The following CNTNAP2 variants were observed in gnomAD, a reference collection of about 807,000 sequenced individuals.
CNTNAP2 encodes contactin-associated protein-like 2.
In CNTNAP2, 98 loss-of-function variants were observed where a neutral mutation model predicts 155.2. The observed-to-expected ratio is 0.63, with a 90% confidence interval of 0.54 to 0.75. The LOEUF is 0.75. Ranked by LOEUF, CNTNAP2 falls within the 30% of genes least tolerant of loss-of-function variation. The pLI is 0.00. For synonymous variants in CNTNAP2, 651 were observed against 631.2 expected, an observed-to-expected ratio of 1.03 and a Z score of -0.47; for missense variants, 1,727 against 1,688.1, an observed-to-expected ratio of 1.02 and a Z score of -0.40.
intron 14 of CNTNAP2, among the ~76,000 whole-genome samples, chr7:147,942,521 C>A (rs1222613731): frequency 6.6e-6 from 1 of 152,160 alleles, no homozygotes; most frequent in Non-Finnish European, 1.5e-5. Flanking sequence ...CATGATATTC[C>A]AGTCAACTAC....
intron 8 of CNTNAP2, among the ~76,000 whole-genome samples, chr7:147,148,837 G>A (rs542630621): frequency 7.9e-5 from 12 of 152,274 alleles, no homozygotes; most frequent in Non-Finnish European, 1.3e-4. Flanking sequence ...AGCTCTTAAA[G>A]CTGGTGCATC....
intron 1 of CNTNAP2, among the ~76,000 whole-genome samples, chr7:146,480,480 C>T (rs182032701): frequency 2.6e-5 from 4 of 151,678 alleles, no homozygotes; most frequent in Non-Finnish European, 4.4e-5. Context: ...CTATTCTGGA[C>T]CCTTGAAGAA....
intron 8 of CNTNAP2, among the ~76,000 whole-genome samples, chr7:147,259,447 T>C (rs139336966): frequency 0.011 from 1,645 of 152,122 alleles, 12 homozygotes; most frequent in South Asian, 0.017. Context: ...TATATGACAA[T>C]GACATCAAGA....
intron 3 of CNTNAP2, among the ~76,000 whole-genome samples, chr7:146,961,879 G>T (rs975870545): frequency 6.6e-6 from 1 of 152,120 alleles, no homozygotes; most frequent in Non-Finnish European, 1.5e-5. Context: ...AATCACCATG[G>T]TGCCAGGGAT....
At chr7:148,408,837 T>C (rs10242379) in intron 22 of CNTNAP2, among the ~76,000 whole-genome samples, 44,519 of 152,128 alleles carry the variant, frequency 0.29, 6,938 homozygotes, top group Non-Finnish European at 0.35. Context: ...GGGAAAGAAA[T>C]AGAAAATTCA....
intron 10 of CNTNAP2, among the ~76,000 whole-genome samples, chr7:147,409,514 C>A (rs550874188): frequency 5.3e-5 from 8 of 152,230 alleles, no homozygotes; most frequent in East Asian, 3.9e-4. Flanking sequence ...GACGAAGACA[C>A]AAAAGCAATT....
intron 1 of CNTNAP2, among the ~76,000 whole-genome samples, chr7:146,244,512 A>C (rs1799614240): frequency 6.6e-6 from 1 of 152,178 alleles, no homozygotes; most frequent in Non-Finnish European, 1.5e-5. Context: ...GACAGGTCTG[A>C]CTTCTGAGAA....
chr7:146,690,721 T>A (rs746646304), intron 1 of CNTNAP2, among the ~76,000 whole-genome samples: 1 of 152,142 alleles, frequency 6.6e-6, no homozygotes, highest in Non-Finnish European at 1.5e-5. Context: ...GTATAAATTA[T>A]TTAGGAAAGG....
chr7:146,388,630 A>G (rs1049314970), intron 1 of CNTNAP2, among the ~76,000 whole-genome samples: 2 of 152,076 alleles, frequency 1.3e-5, no homozygotes, highest in African/African-American at 4.8e-5. Context: ...TCTGTAAGTT[A>G]TTTAAAAATG....
intron 13 of CNTNAP2, among the ~76,000 whole-genome samples, chr7:147,863,948 T>A (rs146964817): frequency 0.011 from 1,677 of 152,282 alleles, 91 homozygotes; most frequent in Admixed American, 0.09. Context: ...CTGATTTGTC[T>A]ATTTTGGCTT....
intron 10 of CNTNAP2, among the ~76,000 whole-genome samples, chr7:147,470,484 G>A (rs537069319): frequency 2.8e-4 from 43 of 152,152 alleles, no homozygotes; most frequent in African/African-American, 9.4e-4. Flanking sequence ...AGCTATGATA[G>A]CGTCTTGGAT....
chr7:146,847,574 G>A (rs1194918655), intron 3 of CNTNAP2, among the ~76,000 whole-genome samples: 1 of 152,126 alleles, frequency 6.6e-6, no homozygotes, highest in African/African-American at 2.4e-5. Flanking sequence ...TTATACATTT[G>A]TGATTTCTAG....
chr7:147,489,364 A>G (rs530554710), intron 11 of CNTNAP2, among the ~76,000 whole-genome samples: 5 of 152,332 alleles, frequency 3.3e-5, no homozygotes, highest in African/African-American at 1.2e-4. Flanking sequence ...CAGGAAAGGG[A>G]AAGCCAGTTT....
At chr7:148,372,132 T>G (rs1730393) in intron 21 of CNTNAP2, among the ~76,000 whole-genome samples, 108,854 of 151,724 alleles carry the variant, frequency 0.72, 40,126 homozygotes, top group Admixed American at 0.81. Flanking sequence ...AACCTGGGAG[T>G]TGGAGGTTGC....
At chr7:146,467,108 C>T (rs1191957835) in intron 1 of CNTNAP2, among the ~76,000 whole-genome samples, 3 of 152,036 alleles carry the variant, frequency 2.0e-5, no homozygotes, top group Non-Finnish European at 2.9e-5. Flanking sequence ...TTCCATCATT[C>T]AAGTAGCCTA....
intron 8 of CNTNAP2, among the ~76,000 whole-genome samples, chr7:147,182,668 GC>G (rs1262586468): frequency 6.6e-6 from 1 of 151,662 alleles, no homozygotes; most frequent in East Asian, 1.9e-4. Context: ...TAGGAAGTTT[GC>G]TAATCTTGAA....
intron 11 of CNTNAP2, among the ~76,000 whole-genome samples, chr7:147,553,531 A>T (rs1048290543): frequency 2.0e-5 from 3 of 152,194 alleles, no homozygotes; most frequent in African/African-American, 7.2e-5. Context: ...CTTTTATAAC[A>T]TCTAACAAAT....
intron 9 of CNTNAP2, among the ~76,000 whole-genome samples, chr7:147,343,356 AG>A (rs1480745710): frequency 6.6e-6 from 1 of 152,174 alleles, no homozygotes. Flanking sequence ...TGATGTTAGC[AG>A]TAAGAGTGAA....
At chr7:146,358,270 G>A (rs566676932) in intron 1 of CNTNAP2, among the ~76,000 whole-genome samples, 23 of 152,002 alleles carry the variant, frequency 1.5e-4, no homozygotes, top group Non-Finnish European at 2.9e-4. Context: ...TCCTGACCTC[G>A]TGATCCACCC....
Sources: allele counts gnomAD v4.1 joint callset (sites outside exome capture counted in the v4.1 genomes callset), GRCh38; gene constraint gnomAD v4.1.1; transcripts MANE v1.5; gene names NCBI Gene and HGNC (gene_info 2026-07-23, HGNC 2026-07-21).